Variants in CDH12 observed in about 807,000 individuals in gnomAD.
CDH12 encodes cadherin 12.
In CDH12, 41 loss-of-function variants were observed where a neutral mutation model predicts 74.1. That is an observed-to-expected ratio of 0.55 (90% CI 0.43 to 0.72). The LOEUF (loss-of-function observed/expected upper bound fraction) is 0.72, where lower values mean the gene tolerates loss of function less well. CDH12 is among the 30% of genes least tolerant of loss of function. CDH12 has a pLI of 0.00. For missense variants in CDH12, 945 were observed against 977.2 expected (o/e 0.97, Z 0.44); for synonymous variants, 399 against 355.0 (o/e 1.12, Z -1.39).
chr5:22,178,753 TA>T (rs1167454693), intron 4 of CDH12, among the ~76,000 whole-genome samples: 3 of 152,216 alleles, frequency 2.0e-5, no homozygotes, highest in African/African-American at 7.2e-5. Context: ...TTTGTGGTTC[TA>T]CTATACCAAG....
intron 3 of CDH12, among the ~76,000 whole-genome samples, chr5:22,216,982 TCTAC>T (rs2150366572): frequency 6.6e-6 from 1 of 151,972 alleles, no homozygotes; most frequent in East Asian, 1.9e-4. Flanking sequence ...TGATGTTCTT[TCTAC>T]CTAATTCAGA....
In CDH12 at chr5:21,950,503, C is replaced by T. The variant is rs1755801884; in HGVS notation, c.526+24588G>A. On this transcript the variant is annotated intron_variant, in intron 6 of 14. Transcript: ENST00000382254. ...CATATAAATTGTTAAACATAAAAGG[C>T]CTATAGAAACCAACTAAAAAACATA... Among the ~76,000 whole-genome samples, 3 of 151,262 alleles carry T rather than the reference C, an allele frequency of 2.0e-5. No individual in the cohort carries two copies. The South Asian group carries it at 6.2e-4, about 31-fold the overall frequency.
At chr5:22,265,387 G>A (rs150360622) in intron 3 of CDH12, among the ~76,000 whole-genome samples, 2 of 152,216 alleles carry the variant, frequency 1.3e-5, no homozygotes, top group Admixed American at 1.3e-4. Context: ...GTACAATTTT[G>A]TTATATTTTA....
chr5:21,760,589 G>C lies in CDH12; in HGVS notation c.1602C>G (p.Ile534Met), dbSNP rs1331262512. ...AGTCACGAACTGTAAAATTTGGTTT[G>C]ATAGCAGCCTCAGGTGATAATCTAA... ...FSFRLSPEAA[I>M]KPNFTVRDFR... The change falls in exon 13 of 15, where the codon ATC (isoleucine) becomes ATG (methionine). Residue 534 changes from isoleucine (I) to methionine (M), a missense_variant. Physicochemically the swap from Ile to Met is conservative, Grantham distance 10. This residue lies in a region of CDH12 where 791 missense variants were observed against 792.8 expected (regional missense o/e 1.00). Coordinates refer to ENST00000382254, the MANE Select transcript of CDH12 (RefSeq NM_004061.5). 8.7e-6 allele frequency: 14 copies of C among 1,608,266 alleles called. No individual in the cohort carries two copies. The highest frequency in any genetic ancestry group is 8.5e-6 in the Non-Finnish European group (10 of 1,175,544).
At chr5:22,110,661 C>G (rs1353469823) in intron 4 of CDH12, among the ~76,000 whole-genome samples, 1 of 151,960 alleles carries the variant, frequency 6.6e-6, no homozygotes, top group African/African-American at 2.4e-5. Flanking sequence ...CTCAAAAGGC[C>G]AATCATAGGT....
intron 1 of CDH12, among the ~76,000 whole-genome samples, chr5:22,801,636 CATATATATATAT>C (rs568139109): frequency 0.084 from 4,246 of 50,828 alleles, 191 homozygotes; most frequent in South Asian, 0.13. Flanking sequence ...CTCTGCTTAT[CATATATATATAT>C]ATATATATAT....
At chr5:22,834,881 A>C (rs893865972) in intron 1 of CDH12, among the ~76,000 whole-genome samples, 2 of 152,124 alleles carry the variant, frequency 1.3e-5, no homozygotes, top group African/African-American at 4.8e-5. Flanking sequence ...AAAGGAAAGA[A>C]GAGAAGGAGA....
At chr5:21,852,149 T>A (rs1003108207) in intron 7 of CDH12, among the ~76,000 whole-genome samples, 1 of 151,416 alleles carries the variant, frequency 6.6e-6, no homozygotes, top group African/African-American at 2.4e-5. Flanking sequence ...ACAAAAAGTC[T>A]TCTTAATGGT....
intron 5 of CDH12, among the ~76,000 whole-genome samples, chr5:22,059,378 T>G (rs1288401702): frequency 1.2e-5 from 1 of 86,252 alleles, no homozygotes; most frequent in Non-Finnish European, 2.1e-5. Flanking sequence ...TATCTATCTA[T>G]CTATCTATCT....
intron 1 of CDH12, among the ~76,000 whole-genome samples, chr5:22,785,948 G>A (rs1218011575): frequency 6.6e-6 from 1 of 152,070 alleles, no homozygotes; most frequent in East Asian, 1.9e-4. Flanking sequence ...ATTTGACTCA[G>A]CAATCCCTTT....
intron 5 of CDH12, among the ~76,000 whole-genome samples, chr5:22,068,982 C>T (rs1416862762): frequency 6.6e-6 from 1 of 152,182 alleles, no homozygotes; most frequent in Non-Finnish European, 1.5e-5. Flanking sequence ...AATTAACCAG[C>T]AACCTGGTGA....
chr5:21,849,703 G>A (rs1476307135), intron 7 of CDH12, among the ~76,000 whole-genome samples: 1 of 151,626 alleles, frequency 6.6e-6, no homozygotes, highest in Non-Finnish European at 1.5e-5. Flanking sequence ...TATTTCACCA[G>A]TACCAACTGA....
intron 6 of CDH12, among the ~76,000 whole-genome samples, chr5:21,885,711 T>C (rs1054714372): frequency 1.3e-5 from 2 of 152,236 alleles, no homozygotes; most frequent in Admixed American, 6.5e-5. Context: ...ATTTTGTTTT[T>C]ATAGAGCTTT....
intron 2 of CDH12, among the ~76,000 whole-genome samples, chr5:22,486,951 A>G (rs915830756): frequency 2.0e-5 from 3 of 152,148 alleles, no homozygotes; most frequent in Non-Finnish European, 2.9e-5. Flanking sequence ...GGCCTAACTT[A>G]GGGGTCAGAG....
At chr5:22,335,046 AAAGTG>A (rs906186128) in intron 3 of CDH12, among the ~76,000 whole-genome samples, 2 of 152,208 alleles carry the variant, frequency 1.3e-5, no homozygotes, top group African/African-American at 4.8e-5. Context: ...AAAAATCAAC[AAAGTG>A]AAGAGACAAC....
chr5:22,593,777 A>C (rs1484587260), intron 1 of CDH12, among the ~76,000 whole-genome samples: 2 of 152,224 alleles, frequency 1.3e-5, no homozygotes, highest in African/African-American at 4.8e-5. Flanking sequence ...TAATATATGC[A>C]GGTATTTGTT....
chr5:21,925,544 C>G (rs369711972), intron 6 of CDH12, among the ~76,000 whole-genome samples: 1 of 152,040 alleles, frequency 6.6e-6, no homozygotes. Flanking sequence ...TTCATAGAAG[C>G]CACTATTAAA....
At chr5:22,287,357 A>G (rs1379802783) in intron 3 of CDH12, among the ~76,000 whole-genome samples, 2 of 152,118 alleles carry the variant, frequency 1.3e-5, no homozygotes, top group Admixed American at 1.3e-4. Flanking sequence ...TTTAAATTTG[A>G]TAATATAAAT....
At chr5:21,855,548 G>A (rs1281206042) in intron 6 of CDH12, among the ~76,000 whole-genome samples, 1 of 143,932 alleles carries the variant, frequency 6.9e-6, no homozygotes, top group Admixed American at 7.3e-5. Flanking sequence ...CTAATATCCT[G>A]TTCAAGTTAC....
Sources: allele counts gnomAD v4.1 joint callset (sites outside exome capture counted in the v4.1 genomes callset), GRCh38; gene constraint gnomAD v4.1.1; regional missense constraint gnomAD v4.1.1; transcripts MANE v1.5; gene names NCBI Gene and HGNC (gene_info 2026-07-23, HGNC 2026-07-21).